The following PI4K2A variants were observed in gnomAD, a reference collection of about 807,000 sequenced individuals.
PI4K2A encodes phosphatidylinositol 4-kinase type 2 alpha.
In PI4K2A, 20 loss-of-function variants were observed where a neutral mutation model predicts 55.0. The observed-to-expected ratio is 0.36, with a 90% confidence interval of 0.26 to 0.53. The LOEUF is 0.53. Ranked by LOEUF, PI4K2A falls within the 20% of genes least tolerant of loss-of-function variation. PI4K2A has a pLI of 0.91. For synonymous variants in PI4K2A, 235 were observed against 258.5 expected (o/e 0.91, Z 0.87); for missense variants, 463 against 637.1 (o/e 0.73, Z 2.94).
At chr10:97,667,521 C>CT (rs2041615729) in intron 8 of PI4K2A, among the ~76,000 whole-genome samples, 1 of 152,112 alleles carries the variant, frequency 6.6e-6, no homozygotes, top group African/African-American at 2.4e-5. Context: ...TGTTTTACAG[C>CT]TTTTTTAAGT....
At chr10:97,667,917 A>T (rs1040175668) in intron 8 of PI4K2A, among the ~76,000 whole-genome samples, 1 of 152,262 alleles carries the variant, frequency 6.6e-6, no homozygotes, top group South Asian at 2.1e-4. Context: ...TACTGGGCAC[A>T]TGAAGCACTC....
At chr10:97,663,221 T>C (rs2041594905) in intron 5 of PI4K2A, among the ~76,000 whole-genome samples, 2 of 152,236 alleles carry the variant, frequency 1.3e-5, no homozygotes, top group South Asian at 4.1e-4. Flanking sequence ...CTCTGTTCTT[T>C]GAGCTTCTTA....
chr10:97,658,236 T>C (rs181018037), intron 4 of PI4K2A, among the ~76,000 whole-genome samples: 7 of 152,334 alleles, frequency 4.6e-5, no homozygotes, highest in Non-Finnish European at 7.3e-5. Context: ...CTGTTTTCTG[T>C]TTCTATGATT....
exon 1 of PI4K2A, chr10:97,641,109 C>T: frequency 6.2e-7 from 1 of 1,609,430 alleles, no homozygotes; most frequent in Non-Finnish European, 8.5e-7. Context: ...GGCCATCGAG[C>T]GCTGCATCTT....
At chr10:97,655,764 G>A (rs1210190054) in intron 2 of PI4K2A, among the ~76,000 whole-genome samples, 4 of 151,878 alleles carry the variant, frequency 2.6e-5, no homozygotes, top group African/African-American at 9.7e-5. Context: ...TAGTAGAGAC[G>A]GGGTTTAACC....
At chr10:97,673,008 GGA>G in intron 8 of PI4K2A, among the ~76,000 whole-genome samples, 1 of 147,938 alleles carries the variant, frequency 6.8e-6, no homozygotes, top group South Asian at 2.2e-4. Flanking sequence ...TTTTTGAGAT[GGA>G]GTCTCTCACT....
At chr10:97,657,820 A>G (rs571810131) in intron 4 of PI4K2A, among the ~76,000 whole-genome samples, 65 of 106,210 alleles carry the variant, frequency 6.1e-4, no homozygotes, top group African/African-American at 1.9e-3. Flanking sequence ...AACTGTCACC[A>G]CCATCCATCT....
chr10:97,666,950 G>A, intron 7 of PI4K2A, 111 bp from the exon 8 acceptor site: 4 of 777,428 alleles, frequency 5.1e-6, no homozygotes, highest in Non-Finnish European at 8.8e-6. Context: ...TCACAAAGCT[G>A]CAGAAGCCTT....
rs2041555827 is a variant in PI4K2A at position 97,656,532 on chromosome 10, G to A, written c.768+116G>A. 2 of 992,926 alleles carry A rather than the reference G, an allele frequency of 2.0e-6. No homozygotes were observed. Among genetic ancestry groups the A allele is most frequent in the Non-Finnish European group, 3.0e-6 (2 of 662,884 alleles). 61.5% of individuals were successfully genotyped at this position (992,926 alleles called of 1,614,324 possible). ...GGGCACGTGAATAACCTGCCCTGAG[G>A]ATCCTGTCTTCCTTATTTCTGTCAA... On this transcript the variant is annotated intron_variant, in intron 3 of 8. Transcript: ENST00000370631. The surrounding 1 kb of genome is among the most constrained non-coding windows in gnomAD (Gnocchi z 4.5).
intron 5 of PI4K2A, among the ~76,000 whole-genome samples, chr10:97,663,224 G>A (rs1244161819): frequency 1.3e-5 from 2 of 152,174 alleles, no homozygotes; most frequent in Non-Finnish European, 2.9e-5. Flanking sequence ...TGTTCTTTGA[G>A]CTTCTTATTG....
At chr10:97,651,052 T>A in exon 2 of PI4K2A, 1 of 1,614,142 alleles carries the variant, frequency 6.2e-7, no homozygotes, top group South Asian at 1.1e-5. Context: ...TGGCCGTGAC[T>A]GCCTTGTCCT....
chr10:97,648,729 CGTCA>C (rs1184362997), intron 1 of PI4K2A, among the ~76,000 whole-genome samples: 2 of 152,104 alleles, frequency 1.3e-5, no homozygotes, highest in Admixed American at 6.6e-5. Flanking sequence ...ACAGTGGACT[CGTCA>C]GTCATTCTCT....
chr10:97,671,676 T>G (rs1328004040), intron 8 of PI4K2A, among the ~76,000 whole-genome samples: 2 of 152,026 alleles, frequency 1.3e-5, no homozygotes, highest in Non-Finnish European at 2.9e-5. Context: ...GTCTTGCTCA[T>G]TTGCTTAGAC....
At chr10:97,663,547 C>T (rs1310201167) in intron 5 of PI4K2A, among the ~76,000 whole-genome samples, 2 of 149,458 alleles carry the variant, frequency 1.3e-5, no homozygotes, top group African/African-American at 2.5e-5. Context: ...CAGGGTTGGC[C>T]GGGCATGGTG....
intron 1 of PI4K2A, among the ~76,000 whole-genome samples, chr10:97,648,985 C>T (rs2041518040): frequency 6.6e-6 from 1 of 152,220 alleles, no homozygotes. Flanking sequence ...CTTGTCCTCT[C>T]AAATCCTTGG....
At chr10:97,641,287 G>T in intron 1 of PI4K2A, 110 bp downstream of exon 1, 1 of 768,742 alleles carries the variant, frequency 1.3e-6, no homozygotes, top group Non-Finnish European at 2.1e-6. Context: ...CACAGTACCA[G>T]CCCCTGGCAG....
chr10:97,664,386 CAGG>C (rs1413250536), intron 5 of PI4K2A, among the ~76,000 whole-genome samples: 2 of 152,214 alleles, frequency 1.3e-5, no homozygotes, highest in African/African-American at 2.4e-5. Flanking sequence ...ACCACTGAAG[CAGG>C]AGAACAGACT....
chr10:97,645,383 C>T (rs545746096), intron 1 of PI4K2A, among the ~76,000 whole-genome samples: 28 of 151,992 alleles, frequency 1.8e-4, no homozygotes, highest in East Asian at 5.8e-4. Flanking sequence ...CTGAAGCGGG[C>T]GGATCACAAG....
chr10:97,674,517 G>A (rs1046198), exon 9 of PI4K2A: 72,102 of 152,064 alleles, frequency 0.47, 18,221 homozygotes, highest in African/African-American at 0.66. Context: ...ATTTTAATAG[G>A]AAGTTGACTC....
Sources: allele counts gnomAD v4.1 joint callset (sites outside exome capture counted in the v4.1 genomes callset), GRCh38; gene constraint gnomAD v4.1.1; non-coding constraint Gnocchi (gnomAD v3.1); transcripts MANE v1.5; gene names NCBI Gene and HGNC (gene_info 2026-07-23, HGNC 2026-07-21).